KANK2: variants seen among roughly 807,000 people sequenced by gnomAD.
The protein encoded by KANK2 is KN motif and ankyrin repeat domains 2.
KANK2 carries 41 observed loss-of-function variants against 74.6 expected under a neutral mutation model. The ratio of observed to expected loss-of-function variants is 0.55; its 90% CI spans 0.43 to 0.71. The LOEUF (loss-of-function observed/expected upper bound fraction) is 0.71. Ranked by LOEUF, KANK2 falls within the 30% of genes least tolerant of loss-of-function variation. KANK2 has a pLI of 0.00. For missense variants in KANK2, 1,148 were observed against 1,196.4 expected, an observed-to-expected ratio of 0.96 and a Z score of 0.60; for synonymous variants, 537 against 519.0, an observed-to-expected ratio of 1.03 and a Z score of -0.47.
At chr19:11,176,510 G>C in intron 7 of KANK2, 68 bp downstream of exon 7, 1 of 1,498,866 alleles carries the variant, frequency 6.7e-7, no homozygotes, top group Non-Finnish European at 8.9e-7. Context: ...GGCTTGAACG[G>C]TGGGGGTTTG....
At chr19:11,166,990 G>A (rs1475731559) in intron 12 of KANK2, among the ~76,000 whole-genome samples, 1 of 152,208 alleles carries the variant, frequency 6.6e-6, no homozygotes, top group African/African-American at 2.4e-5. Flanking sequence ...TGTGGCTAGA[G>A]GGGGAGAGAA....
intron 4 of KANK2, among the ~76,000 whole-genome samples, chr19:11,188,622 T>G (rs1393405889): frequency 6.6e-6 from 1 of 151,944 alleles, no homozygotes; most frequent in Non-Finnish European, 1.5e-5. Context: ...TTGTCCCTGC[T>G]GTGCTCCTCC....
intron 4 of KANK2, chr19:11,192,327 G>A (rs371633856): frequency 5.7e-6 from 1 of 174,940 alleles, no homozygotes; most frequent in East Asian, 1.5e-4. Context: ...CCTGAGGGTT[G>A]GCTGCACAAT....
intron 4 of KANK2, among the ~76,000 whole-genome samples, chr19:11,183,525 G>C (rs1053482987): frequency 6.6e-6 from 1 of 152,210 alleles, no homozygotes; most frequent in Admixed American, 6.6e-5. Flanking sequence ...GTCTCACTCT[G>C]TTGTCCAGGC....
chr19:11,190,191 G>A (rs147288432), intron 4 of KANK2, among the ~76,000 whole-genome samples: 28 of 152,054 alleles, frequency 1.8e-4, no homozygotes, highest in African/African-American at 6.5e-4. Context: ...CTAGAGTGCA[G>A]TGGTGCGACC....
intron 4 of KANK2, 41 bp downstream of exon 4, chr19:11,192,790 C>G (rs199696692): frequency 4.0e-5 from 63 of 1,579,944 alleles, no homozygotes; most frequent in Admixed American, 1.0e-4. Context: ...GAGGCCCCCC[C>G]CCCCCAAGCC....
chr19:11,190,055 T>A (rs1444435365), intron 4 of KANK2, among the ~76,000 whole-genome samples: 1 of 152,178 alleles, frequency 6.6e-6, no homozygotes, highest in Non-Finnish European at 1.5e-5. Flanking sequence ...CACCTGACAT[T>A]TGAGGCTGGG....
At chr19:11,196,427 G>C (rs1169685060) in intron 1 of KANK2, 1 of 152,282 alleles carries the variant, frequency 6.6e-6, no homozygotes, top group Non-Finnish European at 1.5e-5. Context: ...TTCACAGACA[G>C]GGGATGCAGA....
Position 11,189,876 on chromosome 19 carries a change from C to T in KANK2, c.1249+2955G>A, listed in dbSNP as rs185216550. On this transcript the variant is annotated intron_variant, in intron 4 of 12. Transcript: ENST00000586659. The stretch of plus-strand genomic sequence containing the variant: ...TCAGAGATTCCGAGGCTGGGCCAGG[C>T]GGAGCCTCTGGCAGGGGGCCAGAAC... Among the ~76,000 whole-genome samples the T allele has an allele frequency of 1.1e-4, 16 of 152,250 alleles. No homozygotes were observed. The East Asian group carries it at 1.4e-3, about 13-fold the overall frequency.
At chr19:11,187,440 C>T (rs1203853733) in intron 4 of KANK2, among the ~76,000 whole-genome samples, 1 of 151,842 alleles carries the variant, frequency 6.6e-6, no homozygotes, top group Non-Finnish European at 1.5e-5. Context: ...TTCAAGGACA[C>T]TCAAATGTCT....
Position 11,192,950 on chromosome 19 carries a change from G to C in KANK2, c.1130C>G (p.Pro377Arg). ...LAMPGRPESP[P>R]VFRSQEVVET... Reference sequence around the variant, plus strand: ...CACCACCTCCTGGCTGCGGAACACAGGTGGGCTCTCAGGCCTACCAGGCAT... The same window carrying C: ...CACCACCTCCTGGCTGCGGAACACACGTGGGCTCTCAGGCCTACCAGGCAT... The change falls in exon 4 of 13, where the codon CCT (proline) becomes CGT (arginine). Residue 377 changes from proline to arginine, a missense_variant. Pro to Arg is a moderately radical substitution (Grantham distance 103). Coordinates refer to ENST00000586659, the MANE Select transcript of KANK2 (RefSeq NM_001136191.3). 6.2e-7 allele frequency: 1 copy of C among 1,614,188 alleles called. No individual in the cohort carries two copies. The highest frequency in any genetic ancestry group is 8.5e-7 in the Non-Finnish European group (1 of 1,180,028).
intron 4 of KANK2, among the ~76,000 whole-genome samples, chr19:11,186,556 G>A (rs1448749344): frequency 6.6e-6 from 1 of 151,756 alleles, no homozygotes; most frequent in Admixed American, 6.6e-5. Flanking sequence ...AATTAGTCAG[G>A]CGTGGTGGGG....
Position 11,166,395 on chromosome 19 carries a change from C to A in KANK2, c.*163G>T, listed in dbSNP as rs760481891. 6.2e-6 allele frequency: 4 copies of A among 643,736 alleles called. No individual in the cohort carries two copies. The highest frequency in any genetic ancestry group is 5.7e-5 in the Admixed American group (2 of 35,368). 39.9% of individuals were successfully genotyped at this position (643,736 alleles called of 1,614,324 possible). Reference sequence around the variant, plus strand: ...CCACTTGGAGCTGGAGTCCTGTGGCCGTCGGGGCTCCCCCAGGGAAGCAGA... The same window carrying A: ...CCACTTGGAGCTGGAGTCCTGTGGCAGTCGGGGCTCCCCCAGGGAAGCAGA... On this transcript the variant is annotated 3_prime_UTR_variant, in exon 13 of 13. Coordinates refer to ENST00000586659, the MANE Select transcript of KANK2 (RefSeq NM_001136191.3).
At chr19:11,174,761 A>T (rs2078285364) in intron 8 of KANK2, 69 bp from the exon 9 acceptor site, 1 of 1,285,242 alleles carries the variant, frequency 7.8e-7, no homozygotes, top group South Asian at 1.3e-5. Context: ...CCCACCCCAG[A>T]TGCGCCCCCG....
At position 11,166,503 on chromosome 19, in the gene KANK2, A is replaced by C. The variant is rs1471373185; in HGVS notation, c.*55T>G. On this transcript the variant is annotated 3_prime_UTR_variant, in exon 13 of 13. Coordinates refer to ENST00000586659, the MANE Select transcript of KANK2 (RefSeq NM_001136191.3). ...AGGGAGGAACGGGAACAGGGAGGAG[A>C]CGGGGACAAGGGACGGTTTGCTCCC... 3 of 1,518,008 alleles carry C rather than the reference A, an allele frequency of 2.0e-6. No homozygotes were observed. The Admixed American group carries it at 5.0e-5, about 25-fold the overall frequency. The allele number at this position is 1,518,008 out of a possible 1,614,324, so 94.0% of individuals were successfully genotyped here.
chr19:11,169,507 G>C (rs1263305), intron 12 of KANK2, among the ~76,000 whole-genome samples: 123,961 of 151,984 alleles, frequency 0.82, 50,661 homozygotes, highest in African/African-American at 0.87. Context: ...GACCCAGTCT[G>C]AAAACAAAAA....
At chr19:11,194,413 C>T (rs2078956299) in intron 3 of KANK2, 62 bp downstream of exon 3, 2 of 1,367,522 alleles carry the variant, frequency 1.5e-6, no homozygotes, top group African/African-American at 1.4e-5. Flanking sequence ...GGTCCCCAGC[C>T]CCCTCAGGCC....
chr19:11,193,798 GT>G lies in KANK2; in HGVS notation c.281del (p.Asp94AlafsTer55). Reference protein sequence around the residue: ...TESLCSNASGDSRHSAYSYCG... With the variant: ...TESLCSNASGXSRHSAYSYCG... ...AGTAGGAATAGGCTGAGTGGCGGCTGTCCCCACTGGCATTGGAGCACAGCGA... is the reference window on the plus strand; with the variant it reads ...AGTAGGAATAGGCTGAGTGGCGGCTGCCCCACTGGCATTGGAGCACAGCGA... On this transcript the variant is annotated frameshift_variant, in exon 4 of 13. Transcript: ENST00000586659. LOFTEE classifies it high-confidence loss of function. The surrounding 1 kb of genome is among the most constrained non-coding windows in gnomAD (Gnocchi z 9.6). 6.2e-7 allele frequency: 1 copy of G among 1,612,654 alleles called. No individual in the cohort carries two copies. The highest frequency in any genetic ancestry group is 8.5e-7 in the Non-Finnish European group (1 of 1,179,680).
At chr19:11,183,532 AGGCT>A (rs772116246) in intron 4 of KANK2, among the ~76,000 whole-genome samples, 5 of 152,248 alleles carry the variant, frequency 3.3e-5, no homozygotes, top group Non-Finnish European at 2.9e-5. Context: ...TCTGTTGTCC[AGGCT>A]GGAGCGCAGT....
Sources: allele counts gnomAD v4.1 joint callset (sites outside exome capture counted in the v4.1 genomes callset), GRCh38; gene constraint gnomAD v4.1.1; non-coding constraint Gnocchi (gnomAD v3.1); transcripts MANE v1.5; gene names NCBI Gene and HGNC (gene_info 2026-07-23, HGNC 2026-07-21).